Variants in SLC22A12 observed in about 807,000 individuals in gnomAD.
SLC22A12 encodes solute carrier family 22 member 12, also known as organic anion transporter 4-like protein.
SLC22A12 carries 56 observed loss-of-function variants against 52.7 expected under a neutral mutation model. The ratio of observed to expected loss-of-function variants is 1.06; its 90% CI spans 0.86 to 1.33. The LOEUF (loss-of-function observed/expected upper bound fraction) is 1.33, where lower values mean the gene tolerates loss of function less well. Among genes scored for constraint, SLC22A12 ranks in the 40% most tolerant of loss-of-function variants. SLC22A12 has a pLI of 0.00. For missense variants in SLC22A12, 683 were observed against 741.5 expected (o/e 0.92, Z 0.92); for synonymous variants, 337 against 324.6 (o/e 1.04, Z -0.41).
intron 4 of SLC22A12, among the ~76,000 whole-genome samples, chr11:64,597,437 A>T (rs1190775296): frequency 6.6e-6 from 1 of 151,004 alleles, no homozygotes; most frequent in African/African-American, 2.4e-5. Flanking sequence ...ATCTCCTTAG[A>T]CCTCTCCTCC....
rs1411165846 is a variant in SLC22A12, at chr11:64,600,794, TG to T, written c.1456del (p.Val486SerfsTer22). ...AARGGAILGP[L>X]VRLLGVHGPW... ...CGTGGAGGAGCCATCCTGGGGCCTC[TG>T]GTCCGGCTGCTGGGTGTCCATGGCC... On this transcript the variant is annotated frameshift_variant, in exon 9 of 10. Transcript: ENST00000377574. LOFTEE classifies it high-confidence loss of function. 18 of 1,606,118 alleles carry T rather than the reference TG, an allele frequency of 1.1e-5. No homozygotes were observed. Among genetic ancestry groups the T allele is most frequent in the Non-Finnish European group, 1.5e-5 (18 of 1,179,940 alleles).
intron 4 of SLC22A12, among the ~76,000 whole-genome samples, chr11:64,595,350 AATGGATGG>A (rs796558193): frequency 0.077 from 4,467 of 57,922 alleles, 390 homozygotes; most frequent in African/African-American, 0.09. Flanking sequence ...TGGATGGTTG[AATGGATGG>A]ATGGATGGAT....
chr11:64,595,834 T>TGGATGGTTGAAC (rs1363149486), intron 4 of SLC22A12, among the ~76,000 whole-genome samples: 4 of 140,592 alleles, frequency 2.8e-5, no homozygotes, highest in African/African-American at 5.4e-5. Flanking sequence ...GACGGTTGAA[T>TGGATGGTTGAAC]GGATGGATGG....
chr11:64,595,240 G>A (rs2039103794), intron 4 of SLC22A12, among the ~76,000 whole-genome samples: 1 of 136,636 alleles, frequency 7.3e-6, no homozygotes, highest in Admixed American at 7.2e-5. Context: ...ATGGATGGAT[G>A]GATGGATGGA....
At chr11:64,597,696 T>A (rs1441148471) in intron 4 of SLC22A12, among the ~76,000 whole-genome samples, 1 of 152,236 alleles carries the variant, frequency 6.6e-6, no homozygotes, top group Admixed American at 6.5e-5. Flanking sequence ...ACAACACGTC[T>A]GGCTGAAGGA....
intron 1 of SLC22A12, 88 bp downstream of exon 1, chr11:64,592,046 G>C (rs930184472): frequency 7.2e-5 from 111 of 1,544,560 alleles, no homozygotes; most frequent in Non-Finnish European, 9.5e-5. Flanking sequence ...GTCCAGTCCT[G>C]GGAGGGACCC....
rs10792441 is a variant in SLC22A12, at chr11:64,593,157, C to T, written c.507-248C>T. Among the ~76,000 whole-genome samples the T allele has an allele frequency of 0.51, 77,197 of 152,250 alleles. 23,373 individuals carry two copies. The highest frequency in any genetic ancestry group is 0.69 in the Non-Finnish European group (47,230 of 67,998). ...CACTGCTAAAACTGGCTTGGCCATGCGCCTTCCTTCAGCAGCAACCTGAGT... is the reference window on the plus strand; with the variant it reads ...CACTGCTAAAACTGGCTTGGCCATGTGCCTTCCTTCAGCAGCAACCTGAGT... On this transcript the variant is annotated intron_variant, in intron 2 of 9. Coordinates refer to ENST00000377574, the MANE Select transcript of SLC22A12 (RefSeq NM_144585.4).
rs948300512 is a variant in SLC22A12 at position 64,591,646 on chromosome 11, G to A, written c.90G>A (p.Trp30Ter). Residue 30 changes from tryptophan (W) to a stop codon, truncating the protein, a stop_gained, in exon 1 of 10, where the codon TGG (tryptophan) becomes TGA (stop). Transcript: ENST00000377574. LOFTEE classifies it high-confidence loss of function. ...TGGCTCTGATGGTCTCCATCATGTGGCTGTGTACCCAGAGCATGCTGGAGA... is the reference window on the plus strand; with the variant it reads ...TGGCTCTGATGGTCTCCATCATGTGACTGTGTACCCAGAGCATGCTGGAGA... ...QTMALMVSIMWLCTQSMLENF... is the reference protein window; with the variant it reads ...QTMALMVSIM 3 of 1,613,002 alleles carry A rather than the reference G, an allele frequency of 1.9e-6. No homozygotes were observed. Among genetic ancestry groups the A allele is most frequent in the African/African-American group, 2.7e-5 (2 of 74,928 alleles).
At chr11:64,594,940 GGATGGATGGATGGATGGATGGTTGGAATA>G (rs2039058814) in intron 4 of SLC22A12, among the ~76,000 whole-genome samples, 1 of 135,718 alleles carries the variant, frequency 7.4e-6, no homozygotes. Context: ...ATGGATGGTT[GGATGGATGGATGGATGGATGGTTGGAATA>G]GATGGATGGA....
At chr11:64,598,146 C>T (rs2039313721) in intron 4 of SLC22A12, among the ~76,000 whole-genome samples, 1 of 152,072 alleles carries the variant, frequency 6.6e-6, no homozygotes, top group Non-Finnish European at 1.5e-5. Context: ...ATCCAGTGGT[C>T]CTGTAGCCCT....
In SLC22A12 at chr11:64,591,682, C is replaced by A. The variant is rs148378818; in HGVS notation, c.126C>A (p.Ala42=). The A allele has an allele frequency of 9.3e-6, 15 of 1,612,360 alleles. No individual in the cohort carries two copies. The Admixed American group carries it at 2.5e-4, about 27-fold the overall frequency. ...CTQSMLENFS[A]AVPSHRCWAP... is the part of the protein sequence containing the mutation. ...AGAGCATGCTGGAGAACTTCTCGGC[C>A]GCCGTGCCCAGCCACCGCTGCTGGG... Residue 42 remains alanine (A), a synonymous_variant, in exon 1 of 10, where the codon GCC becomes GCA. Transcript: ENST00000377574.
At chr11:64,595,094 A>AGGATGGATGGATGGATGGAT (rs752538108) in intron 4 of SLC22A12, among the ~76,000 whole-genome samples, 5 of 40,086 alleles carry the variant, frequency 1.2e-4, no homozygotes, top group East Asian at 1.4e-3. Flanking sequence ...ATAGATGGAA[A>AGGATGGATGGATGGATGGAT]GGATGGATGG....
Position 64,600,462 on chromosome 11 carries a change from C to G in SLC22A12, c.1381C>G (p.Pro461Ala). 6.2e-7 allele frequency: 1 copy of G among 1,603,922 alleles called. No homozygotes were observed. The highest frequency in any genetic ancestry group is 1.1e-5 in the South Asian group (1 of 89,552). ...CITIYSSELF[P>A]TVLRMTAVGL... ...CACCATCTACAGCAGCGAGCTCTTC[C>G]CCACTGTGCTCAGGTGAGGCTGGGC... Residue 461 changes from proline to alanine, a missense_variant, in exon 8 of 10, where the codon CCC (proline) becomes GCC (alanine). By Grantham distance (27) the Pro-to-Ala change is conservative. Transcript: ENST00000377574.
intron 9 of SLC22A12, 59 bp downstream of exon 9, chr11:64,600,997 G>A: frequency 6.3e-7 from 1 of 1,590,056 alleles, no homozygotes; most frequent in Non-Finnish European, 8.5e-7. Flanking sequence ...CTAGCACAGG[G>A]CAGCCTGCTC....
rs61157735 is a variant in SLC22A12 at position 64,601,795 on chromosome 11, A to ACCCTG, written c.*254_*258dup. On this transcript the variant is annotated 3_prime_UTR_variant, in exon 10 of 10. Transcript: ENST00000377574. ...GCAGGAGGTGACCCAGTGCACCATC[A>ACCCTG]CCCTGCCCTGCCCTCGTGGCTTCGG... The ACCCTG allele has an allele frequency of 0.023, 11,586 of 502,932 alleles. 1,141 individuals are homozygous for ACCCTG. Among genetic ancestry groups the ACCCTG allele is most frequent in the African/African-American group, 0.21 (10,486 of 50,712 alleles). 31.2% of individuals were successfully genotyped at this position (502,932 alleles called of 1,614,324 possible).
chr11:64,594,230 C>T (rs767815286), intron 4 of SLC22A12, among the ~76,000 whole-genome samples: 10 of 152,220 alleles, frequency 6.6e-5, no homozygotes, highest in Admixed American at 2.6e-4. Context: ...GCACACACAG[C>T]GCACAGCCGC....
chr11:64,599,962 C>T, intron 7 of SLC22A12, 72 bp downstream of exon 7: 1 of 1,517,502 alleles, frequency 6.6e-7, no homozygotes, highest in Non-Finnish European at 9.0e-7. Flanking sequence ...CAGCACCCCT[C>T]CTTGGAGGTG....
intron 9 of SLC22A12, among the ~76,000 whole-genome samples, chr11:64,601,198 G>T (rs11607663): frequency 1.6e-4 from 25 of 152,000 alleles, no homozygotes; most frequent in Admixed American, 2.6e-4. Context: ...AGCTCCCCCA[G>T]GTCCACCCTG....
chr11:64,593,375 G>T (rs1187171107), intron 2 of SLC22A12, 30 bp from the exon 3 acceptor site: 1 of 1,613,700 alleles, frequency 6.2e-7, no homozygotes, highest in African/African-American at 1.3e-5. Flanking sequence ...GCAAGCCACA[G>T]ACCCTGCCTC....
Sources: gnomAD v4.1 joint callset for allele counts (sites outside exome capture counted in the v4.1 genomes callset) on GRCh38, gnomAD v4.1.1 for gene constraint, MANE v1.5 for transcripts, NCBI Gene and HGNC (gene_info 2026-07-23, HGNC 2026-07-21) for gene names.